Variants in PCDHGC4 observed in about 807,000 individuals in gnomAD.
The protein encoded by PCDHGC4 is protocadherin gamma subfamily C, 4.
PCDHGC4 carries 15 observed loss-of-function variants against 59.7 expected under a neutral mutation model. That is an observed-to-expected ratio of 0.25 (90% confidence interval 0.17 to 0.39). The LOEUF is 0.39. PCDHGC4 is among the 10% of genes least tolerant of loss of function. The pLI is 1.00. For missense variants in PCDHGC4, 1,016 were observed against 1,189.5 expected, an observed-to-expected ratio of 0.85 and a Z score of 2.15; for synonymous variants, 434 against 481.4, an observed-to-expected ratio of 0.90 and a Z score of 1.29.
chr5:141,489,300 C>G lies in PCDHGC4; in HGVS notation c.2442+1685C>G. The G allele has an allele frequency of 6.3e-7, 1 of 1,585,700 alleles. No individual in the cohort carries two copies. The highest frequency in any genetic ancestry group is 1.2e-5 in the South Asian group (1 of 85,012). Reference sequence around the variant, plus strand: ...AATGGCAAGTGCTGTGCATGTTGTCCTTGTGCTGCTGGGGCTGGGTGTCTG... The same window carrying G: ...AATGGCAAGTGCTGTGCATGTTGTCGTTGTGCTGCTGGGGCTGGGTGTCTG... On this transcript the variant is annotated intron_variant, in intron 1 of 3. Coordinates refer to ENST00000306593, the MANE Select transcript of PCDHGC4 (RefSeq NM_018928.3). This position sits in a 1 kb window ranked among gnomAD's most constrained non-coding sequence, Gnocchi z 4.5.
rs967535805 is a variant in PCDHGC4 at position 141,490,206 on chromosome 5, C to T, written c.2442+2591C>T. 2.4e-5 allele frequency: 38 copies of T among 1,614,050 alleles called. No homozygotes were observed. In the Admixed American group the frequency reaches 5.0e-4, roughly 21 times the overall value. ...GTTTCTATGAAATTCATGCAAGAGCCCGTGACCAGGGACAGCCTGCCATGG... is the reference window on the plus strand; with the variant it reads ...GTTTCTATGAAATTCATGCAAGAGCTCGTGACCAGGGACAGCCTGCCATGG... On this transcript the variant is annotated intron_variant, in intron 1 of 3. Coordinates refer to ENST00000306593, the MANE Select transcript of PCDHGC4 (RefSeq NM_018928.3). This position sits in a 1 kb window ranked among gnomAD's most constrained non-coding sequence, Gnocchi z 5.4.
At chr5:141,502,139 C>G (rs923501238) in intron 2 of PCDHGC4, among the ~76,000 whole-genome samples, 1 of 152,104 alleles carries the variant, frequency 6.6e-6, no homozygotes, top group Non-Finnish European at 1.5e-5. Flanking sequence ...TCAGTCGGGC[C>G]GGAAGTAAGG....
chr5:141,490,421 C>T lies in PCDHGC4; in HGVS notation c.2442+2806C>T. On this transcript the variant is annotated intron_variant, in intron 1 of 3. Coordinates refer to ENST00000306593, the MANE Select transcript of PCDHGC4 (RefSeq NM_018928.3). The surrounding 1 kb of genome is among the most constrained non-coding windows in gnomAD (Gnocchi z 5.4). ...AGCCTTGATATCTCTCCGGACCTGCCATTTCAGATTAAGCCTTCTGAGAAC... is the reference window on the plus strand; with the variant it reads ...AGCCTTGATATCTCTCCGGACCTGCTATTTCAGATTAAGCCTTCTGAGAAC... 1 of 1,614,192 alleles carries T rather than the reference C, an allele frequency of 6.2e-7. No homozygotes were observed. The highest frequency in any genetic ancestry group is 8.5e-7 in the Non-Finnish European group (1 of 1,180,016).
At position 141,491,971 on chromosome 5, in the gene PCDHGC4, T is replaced by C. The variant is rs62379205; in HGVS notation, c.2443-2836T>C. ...CCTACACTCAAAAAAGGCCGGGGCC[T>C]CCTTCGAGCTTCCGGTGAATTTCGG... is the stretch of plus-strand genomic sequence containing the variant. On this transcript the variant is annotated intron_variant, in intron 1 of 3. Coordinates refer to ENST00000306593, the MANE Select transcript of PCDHGC4 (RefSeq NM_018928.3). This position sits in a 1 kb window ranked among gnomAD's most constrained non-coding sequence, Gnocchi z 6.9. The C allele has an allele frequency of 0.2, 165,735 of 830,872 alleles. 17,637 individuals are homozygous for C. Among genetic ancestry groups the C allele is most frequent in the Admixed American group, 0.32 (8,466 of 26,688 alleles). 51.5% of individuals were successfully genotyped at this position (830,872 alleles called of 1,614,324 possible).
Position 141,487,779 on chromosome 5 carries a change from T to C in PCDHGC4, c.2442+164T>C, listed in dbSNP as rs1269811316. On this transcript the variant is annotated intron_variant, in intron 1 of 3. Coordinates refer to ENST00000306593, the MANE Select transcript of PCDHGC4 (RefSeq NM_018928.3). This position sits in a 1 kb window ranked among gnomAD's most constrained non-coding sequence, Gnocchi z 5.0. ...GTAGACGCTGTGCTTTGTAACTGTT[T>C]CGTGAATTAACCAGAGTTGTCACAG... is the stretch of plus-strand genomic sequence containing the variant. 2.6e-6 allele frequency: 4 copies of C among 1,530,492 alleles called. No individual in the cohort carries two copies. The highest frequency in any genetic ancestry group is 2.6e-6 in the Non-Finnish European group (3 of 1,133,212). The allele number at this position is 1,530,492 out of a possible 1,614,324, so 94.8% of individuals were successfully genotyped here. A position where few individuals can be genotyped will look rare whatever the true frequency, so the allele number is the denominator to read the frequency against.
In PCDHGC4 at chr5:141,487,046, G is replaced by A; in HGVS notation, c.1873G>A (p.Ala625Thr). ...CAGCCTGTTTGCAGTCTCTCGATATGCTGGGGAGGTGCGGACGGCTGTTCC... is the reference window on the plus strand; with the variant it reads ...CAGCCTGTTTGCAGTCTCTCGATATACTGGGGAGGTGCGGACGGCTGTTCC... ...DPSLFAVSRYAGEVRTAVPIP... is the reference protein window; with the variant it reads ...DPSLFAVSRYTGEVRTAVPIP... Residue 625 changes from alanine to threonine, a missense_variant, in exon 1 of 4, where the codon GCT (alanine) becomes ACT (threonine). By Grantham distance (58) the Ala-to-Thr change is moderately conservative. Coordinates refer to ENST00000306593, the MANE Select transcript of PCDHGC4 (RefSeq NM_018928.3). The surrounding 1 kb of genome is among the most constrained non-coding windows in gnomAD (Gnocchi z 5.0). 6.2e-7 allele frequency: 1 copy of A among 1,614,192 alleles called. No individual in the cohort carries two copies. Among genetic ancestry groups the A allele is most frequent in the Non-Finnish European group, 8.5e-7 (1 of 1,180,040 alleles).
intron 1 of PCDHGC4, 143 bp from the exon 2 acceptor site, chr5:141,494,664 A>T: frequency 6.7e-7 from 1 of 1,500,298 alleles, no homozygotes; most frequent in Non-Finnish European, 8.9e-7. Flanking sequence ...GTCTTTGGAG[A>T]TGAGTCCACC....
Position 141,491,913 on chromosome 5 carries a change from T to C in PCDHGC4, c.2443-2894T>C, listed in dbSNP as rs2099735120. 2.1e-6 allele frequency: 3 copies of C among 1,398,206 alleles called. No homozygotes were observed. Among genetic ancestry groups the C allele is most frequent in the Non-Finnish European group, 2.9e-6 (3 of 1,051,918 alleles). The allele number at this position is 1,398,206 out of a possible 1,614,324, so 86.6% of individuals were successfully genotyped here. On this transcript the variant is annotated intron_variant, in intron 1 of 3. Coordinates refer to ENST00000306593, the MANE Select transcript of PCDHGC4 (RefSeq NM_018928.3). The surrounding 1 kb of genome is among the most constrained non-coding windows in gnomAD (Gnocchi z 6.9). ...TCCGAGCACCGGGGGTGGTGGCGAC[T>C]GTGGGCGAGGGGAGGTGGGACCGAC... is the stretch of plus-strand genomic sequence containing the variant.
At chr5:141,495,015 G>C in intron 2 of PCDHGC4, 150 bp downstream of exon 2, 2 of 1,507,428 alleles carry the variant, frequency 1.3e-6, no homozygotes, top group East Asian at 4.9e-5. Flanking sequence ...CGGGGGGCTG[G>C]CACACAGACC....
chr5:141,510,222 G>A (rs891688596), intron 3 of PCDHGC4, among the ~76,000 whole-genome samples: 3 of 151,498 alleles, frequency 2.0e-5, no homozygotes, highest in Admixed American at 6.6e-5. Context: ...GCAGTGAGCC[G>A]GGATCGCGCC....
Position 141,486,998 on chromosome 5 carries a change from C to G in PCDHGC4, c.1825C>G (p.Gln609Glu), listed in dbSNP as rs754609128. The change falls in exon 1 of 4, where the codon CAG (glutamine) becomes GAG (glutamate). Residue 609 changes from glutamine (Q) to glutamate (E), a missense_variant. Physicochemically the swap from Gln to Glu is conservative, Grantham distance 29. Coordinates refer to ENST00000306593, the MANE Select transcript of PCDHGC4 (RefSeq NM_018928.3). The surrounding 1 kb of genome is among the most constrained non-coding windows in gnomAD (Gnocchi z 5.0). ...AGGTTACAATGCTTGGGTTTCCTAT[C>G]AGCTCCTGGAGGCCCCAGATCCCAG... The part of the protein sequence containing the change: ...DSGYNAWVSY[Q>E]LLEAPDPSLF... The G allele has an allele frequency of 6.2e-7, 1 of 1,614,206 alleles. No homozygotes were observed. Among genetic ancestry groups the G allele is most frequent in the Non-Finnish European group, 8.5e-7 (1 of 1,180,034 alleles).
Position 141,511,628 on chromosome 5 carries a change from G to C in PCDHGC4, c.*455G>C, listed in dbSNP as rs4912608. 0.2 allele frequency: 46,780 copies of C among 231,598 alleles called. 5,185 individuals are homozygous for C. The highest frequency in any genetic ancestry group is 0.32 in the Admixed American group (6,204 of 19,590). The allele number at this position is 231,598 out of a possible 1,614,324, so 14.3% of individuals were successfully genotyped here. A position where few individuals can be genotyped will look rare whatever the true frequency, so the allele number is the denominator to read the frequency against. On this transcript the variant is annotated 3_prime_UTR_variant, in exon 4 of 4. Transcript: ENST00000306593. ...CAAGCCTCCTAGTTCTGAAAAGTTG[G>C]AAGGGCATCATGACCTCTTGGCCTC...
rs1055747392 is a variant in PCDHGC4 at position 141,490,298 on chromosome 5, C to G, written c.2442+2683C>G. 6.2e-7 allele frequency: 1 copy of G among 1,614,178 alleles called. No individual in the cohort carries two copies. The highest frequency in any genetic ancestry group is 1.3e-5 in the African/African-American group (1 of 75,036). On this transcript the variant is annotated intron_variant, in intron 1 of 3. Transcript: ENST00000306593. The surrounding 1 kb of genome is among the most constrained non-coding windows in gnomAD (Gnocchi z 5.4). ...GACAATGCCCCAGAGGTGCTATTGG[C>G]CTCTTTGGCCAACCCTGTCCTAGAG...
Position 141,489,732 on chromosome 5 carries a change from C to T in PCDHGC4, c.2442+2117C>T, listed in dbSNP as rs1562132763. On this transcript the variant is annotated intron_variant, in intron 1 of 3. Coordinates refer to ENST00000306593, the MANE Select transcript of PCDHGC4 (RefSeq NM_018928.3). This position sits in a 1 kb window ranked among gnomAD's most constrained non-coding sequence, Gnocchi z 4.5. ...GTGCCCAGGATCCGGATGTGGGCAC[C>T]AATACTGTGAGCTTTTACACTCTAA... 3.1e-6 allele frequency: 5 copies of T among 1,614,126 alleles called. No individual in the cohort carries two copies. The highest frequency in any genetic ancestry group is 1.1e-5 in the South Asian group (1 of 91,074).
chr5:141,491,243 ATGAGGACCC>A lies in PCDHGC4; in HGVS notation c.2443-3557_2443-3549del. 1 of 1,614,200 alleles carries A rather than the reference ATGAGGACCC, an allele frequency of 6.2e-7. No individual in the cohort carries two copies. Among genetic ancestry groups the A allele is most frequent in the African/African-American group, 1.3e-5 (1 of 75,056 alleles). ...GCCACAGTGCTGCTGGTTCTGGAGG[ATGAGGACCC>A]TGAGGAAATGCCCAAATCCAGTGAC... On this transcript the variant is annotated intron_variant, in intron 1 of 3. Coordinates refer to ENST00000306593, the MANE Select transcript of PCDHGC4 (RefSeq NM_018928.3). This position sits in a 1 kb window ranked among gnomAD's most constrained non-coding sequence, Gnocchi z 6.9.
At chr5:141,495,020 C>G in intron 2 of PCDHGC4, 155 bp downstream of exon 2, 1 of 976,790 alleles carries the variant, frequency 1.0e-6, no homozygotes, top group Non-Finnish European at 1.2e-6. Context: ...GGCTGGCACA[C>G]AGACCCCGGA....
In PCDHGC4 at chr5:141,485,872, G is replaced by A; in HGVS notation, c.699G>A (p.Leu233=). ...SGTAELRVSV[L]DVNDNAPAFQ... ...CCGCAGAGCTCCGGGTATCCGTGCT[G>A]GACGTAAACGACAACGCCCCAGCCT... The change falls in exon 1 of 4, where the codon CTG becomes CTA. Residue 233 remains leucine, a synonymous_variant. Transcript: ENST00000306593. The surrounding 1 kb of genome is among the most constrained non-coding windows in gnomAD (Gnocchi z 5.7). 1 of 1,614,170 alleles carries A rather than the reference G, an allele frequency of 6.2e-7. No homozygotes were observed. The highest frequency in any genetic ancestry group is 2.2e-5 in the East Asian group (1 of 44,876).
Position 141,486,515 on chromosome 5 carries a change from G to A in PCDHGC4, c.1342G>A (p.Val448Met). ...AACTATTTTCCTCAATATTTCAGAT[G>A]TGAATGATAATCCACCCTCTTTCTT... ...HRTIFLNISD[V>M]NDNPPSFFQR... Residue 448 changes from valine to methionine, a missense_variant, in exon 1 of 4, where the codon GTG becomes ATG. By Grantham distance (21) the Val-to-Met change is conservative (BLOSUM62 1). Transcript: ENST00000306593. This position sits in a 1 kb window ranked among gnomAD's most constrained non-coding sequence, Gnocchi z 5.0. 1 of 1,614,172 alleles carries A rather than the reference G, an allele frequency of 6.2e-7. No individual in the cohort carries two copies. The highest frequency in any genetic ancestry group is 8.5e-7 in the Non-Finnish European group (1 of 1,180,026).
At chr5:141,510,272 T>TAAAA (rs546154379) in intron 3 of PCDHGC4, among the ~76,000 whole-genome samples, 4 of 130,388 alleles carry the variant, frequency 3.1e-5, no homozygotes, top group Non-Finnish European at 4.9e-5. Context: ...GACTCCATCT[T>TAAAA]AAAAAAAAAA....
Sources: gnomAD v4.1 joint callset for allele counts (sites outside exome capture counted in the v4.1 genomes callset) on GRCh38, gnomAD v4.1.1 for gene constraint, Gnocchi (gnomAD v3.1) non-coding constraint, MANE v1.5 for transcripts, NCBI Gene and HGNC (gene_info 2026-07-23, HGNC 2026-07-21) for gene names.